Variants in CADPS2 observed in about 807,000 individuals in gnomAD.
CADPS2 encodes the protein calcium-dependent secretion activator 2.
A neutral mutation model predicts 172.5 loss-of-function variants in CADPS2; 93 were observed. The ratio of observed to expected loss-of-function variants is 0.54; its 90% CI spans 0.46 to 0.64. The LOEUF (loss-of-function observed/expected upper bound fraction) is 0.64, where lower values mean the gene tolerates loss of function less well. CADPS2 is among the 30% of genes least tolerant of loss of function. The pLI, the probability that CADPS2 is intolerant of heterozygous loss-of-function variation, is 0.00. For synonymous variants in CADPS2, 546 were observed against 555.2 expected, an observed-to-expected ratio of 0.98 and a Z score of 0.23; for missense variants, 1,420 against 1,565.9, an observed-to-expected ratio of 0.91 and a Z score of 1.57.
At chr7:122,554,934 C>A (rs1278929232) in intron 7 of CADPS2, among the ~76,000 whole-genome samples, 1 of 151,920 alleles carries the variant, frequency 6.6e-6, no homozygotes, top group Admixed American at 6.6e-5. Flanking sequence ...CACTTCATAA[C>A]GAATTAATAG....
chr7:122,452,738 T>C (rs2152048353), intron 14 of CADPS2, among the ~76,000 whole-genome samples: 1 of 152,290 alleles, frequency 6.6e-6, no homozygotes. Flanking sequence ...CCCAAAGACT[T>C]GTGCATTTAT....
intron 25 of CADPS2, among the ~76,000 whole-genome samples, chr7:122,361,244 TTTAA>T (rs1193638001): frequency 7.2e-6 from 1 of 139,314 alleles, no homozygotes; most frequent in Non-Finnish European, 1.5e-5. Context: ...TTTTTTTTTT[TTTAA>T]AATGAGATGG....
intron 14 of CADPS2, among the ~76,000 whole-genome samples, chr7:122,461,631 T>C (rs2054449269): frequency 6.6e-6 from 1 of 152,118 alleles, no homozygotes; most frequent in South Asian, 2.1e-4. Context: ...AGTCTCGCTC[T>C]GTCACCAGGC....
intron 2 of CADPS2, among the ~76,000 whole-genome samples, chr7:122,722,899 T>A (rs184166963): frequency 6.6e-6 from 1 of 152,050 alleles, no homozygotes; most frequent in African/African-American, 2.4e-5. Flanking sequence ...GTCTGATCTT[T>A]GACAAACCTG....
At chr7:122,617,381 T>C (rs902029836) in intron 5 of CADPS2, among the ~76,000 whole-genome samples, 3 of 152,192 alleles carry the variant, frequency 2.0e-5, no homozygotes, top group African/African-American at 7.2e-5. Flanking sequence ...CAGCCAAGAA[T>C]TCCATGGACC....
intron 25 of CADPS2, among the ~76,000 whole-genome samples, chr7:122,363,997 G>A (rs1161986465): frequency 3.3e-5 from 5 of 152,078 alleles, no homozygotes; most frequent in African/African-American, 4.8e-5. Flanking sequence ...TTTGGCAGAC[G>A]GCAGAAGGAG....
chr7:122,830,992 T>C (rs1806369660), intron 1 of CADPS2, among the ~76,000 whole-genome samples: 1 of 152,080 alleles, frequency 6.6e-6, no homozygotes, highest in African/African-American at 2.4e-5. Flanking sequence ...AAGTCCAACA[T>C]CAGAATATTG....
chr7:122,516,698 C>A (rs1243067914), intron 8 of CADPS2, among the ~76,000 whole-genome samples: 1 of 151,920 alleles, frequency 6.6e-6, no homozygotes, highest in Non-Finnish European at 1.5e-5. Context: ...TGGGAAAATT[C>A]TTATAATGTT....
chr7:122,733,134 A>T (rs1036349976), intron 2 of CADPS2, among the ~76,000 whole-genome samples: 4 of 151,762 alleles, frequency 2.6e-5, no homozygotes, highest in Non-Finnish European at 4.4e-5. Context: ...GGTTAGAAAG[A>T]ACATGAAAGG....
chr7:122,713,466 A>G (rs2089093570), intron 2 of CADPS2, among the ~76,000 whole-genome samples: 1 of 152,104 alleles, frequency 6.6e-6, no homozygotes, highest in Admixed American at 6.6e-5. Flanking sequence ...TTAGAGCACT[A>G]CTTGGCTCAT....
intron 1 of CADPS2, among the ~76,000 whole-genome samples, chr7:122,756,654 T>G (rs943952756): frequency 1.3e-5 from 2 of 152,176 alleles, no homozygotes; most frequent in African/African-American, 4.8e-5. Flanking sequence ...ATCCCAGCAC[T>G]TTGAGAGGTG....
At chr7:122,368,480 GCCT>G (rs1333562328) in intron 25 of CADPS2, among the ~76,000 whole-genome samples, 1 of 152,104 alleles carries the variant, frequency 6.6e-6, no homozygotes, top group Non-Finnish European at 1.5e-5. Flanking sequence ...GTGGCCTTGG[GCCT>G]CTGTTTCCTC....
At chr7:122,840,319 A>G (rs530705177) in intron 1 of CADPS2, among the ~76,000 whole-genome samples, 1 of 152,164 alleles carries the variant, frequency 6.6e-6, no homozygotes, top group East Asian at 1.9e-4. Flanking sequence ...TAGGAGATAT[A>G]CCTAATGTAA....
intron 3 of CADPS2, among the ~76,000 whole-genome samples, chr7:122,648,112 T>G (rs1211025488): frequency 1.3e-5 from 2 of 152,130 alleles, no homozygotes; most frequent in African/African-American, 4.8e-5. Context: ...GCAGGTGGCA[T>G]AGAGATTAGC....
intron 2 of CADPS2, among the ~76,000 whole-genome samples, chr7:122,664,642 A>G (rs981806957): frequency 2.0e-5 from 3 of 152,164 alleles, no homozygotes; most frequent in African/African-American, 7.2e-5. Flanking sequence ...ATCCTCCATA[A>G]GCCATATAAG....
rs1313386734 is a variant in CADPS2 at position 122,588,585 on chromosome 7, A to C, written c.1224-7295T>G. ...AATGATATAACAGATTCTTCTAATAATAGAATAAAAGTTTTGGTTCAAAAC... is the reference window on the plus strand; with the variant it reads ...AATGATATAACAGATTCTTCTAATACTAGAATAAAAGTTTTGGTTCAAAAC... On this transcript the variant is annotated intron_variant, in intron 6 of 29. Coordinates refer to ENST00000449022, the MANE Select transcript of CADPS2 (RefSeq NM_017954.11). 3.9e-5 allele frequency among the ~76,000 whole-genome samples: 6 copies of C among 151,982 alleles called. No homozygotes were observed. In the East Asian group the frequency reaches 1.2e-3, roughly 29 times the overall value.
At chr7:122,698,908 A>T in intron 2 of CADPS2, 1 of 1,582,576 alleles carries the variant, frequency 6.3e-7, no homozygotes, top group Non-Finnish European at 8.6e-7. Context: ...GCCAACCTTG[A>T]GTAGATGCAT....
chr7:122,705,964 A>AATATAATATATAATATATT (rs1564126033), intron 2 of CADPS2, among the ~76,000 whole-genome samples: 403 of 1,576 alleles, frequency 0.26, 166 homozygotes, highest in African/African-American at 0.33. Context: ...ATATATATAT[A>AATATAATATATAATATATT]ATATAATATA....
chr7:122,845,869 G>A (rs1482107917), intron 1 of CADPS2, among the ~76,000 whole-genome samples: 1 of 152,180 alleles, frequency 6.6e-6, no homozygotes, highest in Non-Finnish European at 1.5e-5. Context: ...AAAGGGGAAG[G>A]TTGGTCAAAA....
Sources: gnomAD v4.1 joint callset for allele counts (sites outside exome capture counted in the v4.1 genomes callset) on GRCh38, gnomAD v4.1.1 for gene constraint, MANE v1.5 for transcripts, NCBI Gene and HGNC (gene_info 2026-07-23, HGNC 2026-07-21) for gene names.